The following PZP variants were observed in gnomAD, a reference collection of about 807,000 sequenced individuals.
PZP encodes the protein pregnancy zone protein.
A neutral mutation model predicts 179.8 loss-of-function variants in PZP; 150 were observed. The observed-to-expected ratio is 0.83, with a 90% CI of 0.73 to 0.96. The LOEUF (loss-of-function observed/expected upper bound fraction) is 0.96, where lower values mean the gene tolerates loss of function less well. Among genes scored for constraint, PZP ranks in the 40% least tolerant of loss-of-function variants. PZP has a pLI of 0.00. For missense variants in PZP, 1,689 were observed against 1,764.0 expected, an observed-to-expected ratio of 0.96 and a Z score of 0.76; for synonymous variants, 624 against 652.3, an observed-to-expected ratio of 0.96 and a Z score of 0.66.
rs2121225351 is a variant in PZP, at chr12:9,202,638, T to C, written c.314A>G (p.Gln105Arg). The change falls in exon 3 of 36, where the codon CAG becomes CGG. Residue 105 changes from glutamine (Q) to arginine (R), a missense_variant. Transcript: ENST00000261336. ...ASSEVAFLSIQIKGPTQDFRK... is the reference protein window; with the variant it reads ...ASSEVAFLSIRIKGPTQDFRK... Reference sequence around the variant, plus strand: ...GAAATCTTGCGTAGGCCCCTTTATCTGGATGCTAAGGAATGCCACCTCTGA... The same window carrying C: ...GAAATCTTGCGTAGGCCCCTTTATCCGGATGCTAAGGAATGCCACCTCTGA... 6.2e-7 allele frequency: 1 copy of C among 1,614,150 alleles called. No individual in the cohort carries two copies. The highest frequency in any genetic ancestry group is 8.5e-7 in the Non-Finnish European group (1 of 1,180,008).
At chr12:9,184,355 T>A (rs1942967020) in intron 13 of PZP, among the ~76,000 whole-genome samples, 1 of 152,098 alleles carries the variant, frequency 6.6e-6, no homozygotes, top group Non-Finnish European at 1.5e-5. Context: ...CTGCCACCAG[T>A]ATGAATGCAC....
intron 33 of PZP, 79 bp from the exon 34 acceptor site, chr12:9,150,825 T>G (rs1187559496): frequency 1.1e-6 from 1 of 898,602 alleles, no homozygotes; most frequent in East Asian, 2.5e-5. Context: ...TTCTTATTGT[T>G]CTTTGACTCT....
rs752782957 is a variant in PZP, at chr12:9,151,676, G to C, written c.4213-4C>G. 6 of 1,612,314 alleles carry C rather than the reference G, an allele frequency of 3.7e-6. No individual in the cohort carries two copies. The highest frequency in any genetic ancestry group is 3.3e-5 in the Admixed American group (2 of 59,918). ...TCACAGAGCTAGATCTTTCAAGCTG[G>C]AGAGAATTAGAAAACTTCAGTTAAA... On this transcript the variant is annotated splice_region_variant and splice_polypyrimidine_tract_variant and intron_variant, in intron 32 of 35. Transcript: ENST00000261336.
chr12:9,142,905 C>T, the PZP span, among the ~76,000 whole-genome samples: 1 of 152,154 alleles, frequency 6.6e-6, no homozygotes, highest in Admixed American at 6.5e-5. Flanking sequence ...CAAGGAATCC[C>T]AGGCCACCAG....
At chr12:9,197,375 A>G (rs760120941) in intron 7 of PZP, among the ~76,000 whole-genome samples, 6 of 142,422 alleles carry the variant, frequency 4.2e-5, no homozygotes, top group Non-Finnish European at 9.0e-5. Context: ...ATTTTTATAT[A>G]TTTAATATAT....
chr12:9,182,089 A>G lies in PZP; in HGVS notation c.1575T>C (p.Pro525=), dbSNP rs1942799754. The G allele has an allele frequency of 1.2e-6, 2 of 1,613,170 alleles. No individual in the cohort carries two copies. Among genetic ancestry groups the G allele is most frequent in the African/African-American group, 1.3e-5 (1 of 74,730 alleles). The change falls in exon 14 of 36, where the codon CCT becomes CCC. Residue 525 remains proline, a synonymous_variant. Coordinates refer to ENST00000261336, the MANE Select transcript of PZP (RefSeq NM_002864.3). ...CAATGGGGGCAACGTCTGACTCCAC[A>G]GGGAAGGATAAGGCAAAACTGCCTT... ...DMKGSFALSF[P]VESDVAPIAR...
At chr12:9,189,414 G>T (rs1284930692) in intron 13 of PZP, among the ~76,000 whole-genome samples, 1 of 152,162 alleles carries the variant, frequency 6.6e-6, no homozygotes, top group Admixed American at 6.5e-5. Context: ...TTCAATAAAT[G>T]GTGCTGAGAT....
chr12:9,183,422 C>T (rs1942902795), intron 13 of PZP, among the ~76,000 whole-genome samples: 1 of 151,412 alleles, frequency 6.6e-6, no homozygotes, highest in African/African-American at 2.4e-5. Flanking sequence ...TTTTTTGAGA[C>T]AGGGTCTTGC....
intron 27 of PZP, 76 bp from the exon 28 acceptor site, chr12:9,157,431 G>T: frequency 1.5e-6 from 2 of 1,355,854 alleles, no homozygotes; most frequent in Non-Finnish European, 2.0e-6. Flanking sequence ...GATATTGACA[G>T]TCAGATGTTA....
rs1425327252 is a variant in PZP at position 9,168,868 on chromosome 12, C to A, written c.2107+1G>T. On this transcript the variant is annotated splice_donor_variant, in intron 17 of 35. Transcript: ENST00000261336. LOFTEE classifies it high-confidence loss of function. ...AAATTAAAAGCAAATTGCTGTTTTA[C>A]CTCCATAGTATCCTTGACCTACTGC... is the stretch of plus-strand genomic sequence containing the variant. 1.2e-6 allele frequency: 2 copies of A among 1,606,086 alleles called. No homozygotes were observed. Among genetic ancestry groups the A allele is most frequent in the African/African-American group, 2.7e-5 (2 of 74,638 alleles).
intron 17 of PZP, among the ~76,000 whole-genome samples, chr12:9,166,432 G>A (rs1341561748): frequency 1.3e-5 from 2 of 152,150 alleles, no homozygotes; most frequent in Non-Finnish European, 2.9e-5. Flanking sequence ...ATAATTTGAT[G>A]TGAATGGAAG....
chr12:9,190,821 T>C (rs1348960522), intron 13 of PZP, among the ~76,000 whole-genome samples: 1 of 152,188 alleles, frequency 6.6e-6, no homozygotes, highest in Non-Finnish European at 1.5e-5. Context: ...TGAAGAATAG[T>C]GTGAAAAGAG....
the PZP span, among the ~76,000 whole-genome samples, chr12:9,140,979 A>G: frequency 3.5e-4 from 54 of 152,356 alleles, 1 homozygote; most frequent in East Asian, 8.9e-3. Flanking sequence ...GGAAATAACT[A>G]TATTGCCATA....
rs1246223354 is a variant in PZP, at chr12:9,201,015, C to G, written c.547G>C (p.Glu183Gln). ...RIAQWQSLKL[E>Q]AGINQLSFPL... Reference sequence around the variant, plus strand: ...AAGGACAACTGATTGATGCCAGCTTCTAGCTTGAGACTCTGCCATTGTGCA... The same window carrying G: ...AAGGACAACTGATTGATGCCAGCTTGTAGCTTGAGACTCTGCCATTGTGCA... The change falls in exon 6 of 36, where the codon GAA (glutamate) becomes CAA (glutamine). Residue 183 changes from glutamate to glutamine, a missense_variant. By Grantham distance (29) the Glu-to-Gln change is conservative. Transcript: ENST00000261336. 1.2e-6 allele frequency: 2 copies of G among 1,614,016 alleles called. No homozygotes were observed. Among genetic ancestry groups the G allele is most frequent in the African/African-American group, 2.7e-5 (2 of 74,930 alleles).
At chr12:9,168,169 A>T (rs986552669) in intron 17 of PZP, among the ~76,000 whole-genome samples, 5 of 152,246 alleles carry the variant, frequency 3.3e-5, no homozygotes, top group African/African-American at 1.2e-4. Flanking sequence ...TTGAAGAGCC[A>T]TTAGTCAAAT....
rs1461895525 is a variant in PZP, at chr12:9,164,387, A to G, written c.2488-128T>C. The G allele has an allele frequency of 4.0e-6, 4 of 994,596 alleles. No homozygotes were observed. In the East Asian group the frequency reaches 7.8e-5, roughly 19 times the overall value. The allele number at this position is 994,596 out of a possible 1,614,324, so 61.6% of individuals were successfully genotyped here. A position where few individuals can be genotyped will look rare whatever the true frequency, so the allele number is the denominator to read the frequency against. The stretch of plus-strand genomic sequence containing the variant: ...TGTAAGAAAAATGTATGTCACATAG[A>G]TTCATCCATGCTTTAAGAAGCATGG... On this transcript the variant is annotated intron_variant, in intron 19 of 35. Coordinates refer to ENST00000261336, the MANE Select transcript of PZP (RefSeq NM_002864.3).
At chr12:9,167,893 G>A (rs1054866588) in intron 17 of PZP, among the ~76,000 whole-genome samples, 19 of 151,572 alleles carry the variant, frequency 1.3e-4, no homozygotes, top group East Asian at 7.7e-4. Flanking sequence ...CTTTATTCTC[G>A]TTATTTATAT....
rs914246288 is a variant in PZP at position 9,158,535 on chromosome 12, G to A, written c.3179C>T (p.Ser1060Phe). Residue 1060 changes from serine to phenylalanine, a missense_variant, in exon 26 of 36, where the codon TCC becomes TTC. By Grantham distance (155) the Ser-to-Phe change is radical. Coordinates refer to ENST00000261336, the MANE Select transcript of PZP (RefSeq NM_002864.3). ...FVLKTFAQAR[S>F]YIFIDEAHIT... The stretch of plus-strand genomic sequence containing the variant: ...GTGTGCTTCATCAATGAAGATGTAG[G>A]ATCGAGCCTGGGCGAAAGTCTTCAG... 7.4e-6 allele frequency: 12 copies of A among 1,614,088 alleles called. No homozygotes were observed. Among genetic ancestry groups the A allele is most frequent in the Non-Finnish European group, 1.0e-5 (12 of 1,180,016 alleles).
rs759294208 is a variant in PZP, at chr12:9,194,469, T to G, written c.1093-231A>C. On this transcript the variant is annotated intron_variant, in intron 10 of 35. Coordinates refer to ENST00000261336, the MANE Select transcript of PZP (RefSeq NM_002864.3). The stretch of plus-strand genomic sequence containing the variant: ...TTCCAGTAAAGTCAGGGAGTTTTTT[T>G]TTTTTTTTTTTTTGAGACGGAGTCT... 3.4e-5 allele frequency among the ~76,000 whole-genome samples: 5 copies of G among 148,622 alleles called. No homozygotes were observed. In the East Asian group the frequency reaches 6.0e-4, roughly 18 times the overall value.
Sources: gnomAD v4.1 joint callset for allele counts (sites outside exome capture counted in the v4.1 genomes callset) on GRCh38, gnomAD v4.1.1 for gene constraint, MANE v1.5 for transcripts, NCBI Gene and HGNC (gene_info 2026-07-23, HGNC 2026-07-21) for gene names.